The following SDK1 variants were observed in gnomAD, a reference collection of about 807,000 sequenced individuals.
SDK1 encodes the protein sidekick cell adhesion molecule 1.
A neutral mutation model predicts 245.5 loss-of-function variants in SDK1; 157 were observed. That is an observed-to-expected ratio of 0.64 (90% confidence interval 0.56 to 0.73). SDK1 has a LOEUF of 0.73. SDK1 is among the 30% of genes least tolerant of loss of function. The probability of loss-of-function intolerance (pLI) is 0.00; values close to 1 mark genes in which losing one functional copy is unlikely to be tolerated. For synonymous variants in SDK1, 1,647 were observed against 1,278.5 expected, an observed-to-expected ratio of 1.29 and a Z score of -6.15; for missense variants, 3,583 against 3,002.3, an observed-to-expected ratio of 1.19 and a Z score of -4.52.
intron 1 of SDK1, among the ~76,000 whole-genome samples, chr7:3,573,642 A>G (rs566367972): frequency 1.4e-4 from 21 of 152,046 alleles, no homozygotes; most frequent in Middle Eastern, 3.4e-3. Flanking sequence ...ACAATAATCA[A>G]ATGATCTTCT....
chr7:4,107,163 G>C (rs1050548290), intron 22 of SDK1, among the ~76,000 whole-genome samples: 1 of 149,260 alleles, frequency 6.7e-6, no homozygotes, highest in African/African-American at 2.5e-5. Context: ...GGGGAGGGTG[G>C]GGCTGCAGGG....
At chr7:3,943,289 C>T (rs1780437775) in intron 5 of SDK1, among the ~76,000 whole-genome samples, 1 of 152,046 alleles carries the variant, frequency 6.6e-6, no homozygotes, top group African/African-American at 2.4e-5. Flanking sequence ...GATGTTCCCT[C>T]TGAGCTGTGG....
intron 4 of SDK1, among the ~76,000 whole-genome samples, chr7:3,702,515 C>T (rs1044746900): frequency 6.6e-6 from 1 of 152,182 alleles, no homozygotes; most frequent in Non-Finnish European, 1.5e-5. Flanking sequence ...GGATAGCATT[C>T]ACCACTCTCA....
At chr7:3,386,356 G>A (rs1169420232) in intron 1 of SDK1, among the ~76,000 whole-genome samples, 2 of 152,270 alleles carry the variant, frequency 1.3e-5, no homozygotes, top group East Asian at 1.9e-4. Context: ...GTAAAACAAA[G>A]ATGTTGCCTT....
At chr7:3,916,801 G>A (rs1183432921) in intron 5 of SDK1, among the ~76,000 whole-genome samples, 2 of 152,178 alleles carry the variant, frequency 1.3e-5, no homozygotes, top group Admixed American at 6.5e-5. Flanking sequence ...TGATAGAAGA[G>A]GGAAAATTGT....
At chr7:3,512,995 C>T (rs1002051164) in intron 1 of SDK1, among the ~76,000 whole-genome samples, 8 of 152,032 alleles carry the variant, frequency 5.3e-5, no homozygotes, top group African/African-American at 1.9e-4. Flanking sequence ...TGAAAACCTC[C>T]CCTGTGTTTT....
chr7:3,845,224 G>A (rs960150200), intron 5 of SDK1, among the ~76,000 whole-genome samples: 5 of 152,020 alleles, frequency 3.3e-5, no homozygotes, highest in African/African-American at 1.2e-4. Context: ...GGCCAGGTGC[G>A]GTGGCTCACA....
At position 3,503,642 on chromosome 7, in the gene SDK1, A is replaced by T. The variant is rs184055690; in HGVS notation, c.299-115438A>T. On this transcript the variant is annotated intron_variant, in intron 1 of 44. Coordinates refer to ENST00000404826, the MANE Select transcript of SDK1 (RefSeq NM_152744.4). ...CAGTACGCTATGACCATGCCACTGC[A>T]CTCCAGCCTGGGTGATAGAGCCAGA... Among the ~76,000 whole-genome samples, 11 of 152,252 alleles carry T rather than the reference A, an allele frequency of 7.2e-5. No individual in the cohort carries two copies. In the East Asian group the frequency reaches 2.1e-3, roughly 29 times the overall value.
chr7:3,302,070 C>G (rs569861635), intron 1 of SDK1, among the ~76,000 whole-genome samples, 186 bp downstream of exon 1: 1 of 152,024 alleles, frequency 6.6e-6, no homozygotes, highest in African/African-American at 2.4e-5. Flanking sequence ...AACGGAGCCC[C>G]GTAGAGCCTG....
At chr7:3,760,981 A>T (rs551790968) in intron 4 of SDK1, among the ~76,000 whole-genome samples, 10 of 152,312 alleles carry the variant, frequency 6.6e-5, no homozygotes, top group African/African-American at 2.4e-4. Context: ...TGGGATGGTT[A>T]TGAATTAAGC....
chr7:3,817,989 G>C (rs918515040), intron 4 of SDK1, among the ~76,000 whole-genome samples: 5 of 152,138 alleles, frequency 3.3e-5, no homozygotes, highest in Admixed American at 3.3e-4. Context: ...CTTATAATTC[G>C]TACCTCAGGA....
intron 44 of SDK1, among the ~76,000 whole-genome samples, chr7:4,260,588 G>C (rs1241626614): frequency 2.9e-5 from 4 of 138,532 alleles, no homozygotes; most frequent in East Asian, 2.2e-4. Context: ...CGGGGCCTCT[G>C]TGTGTGTGGG....
At chr7:4,210,549 G>A (rs568518903) in intron 38 of SDK1, among the ~76,000 whole-genome samples, 11 of 152,246 alleles carry the variant, frequency 7.2e-5, no homozygotes, top group Non-Finnish European at 1.5e-4. Flanking sequence ...TTGAAGCCAC[G>A]CCTCACAACA....
intron 5 of SDK1, among the ~76,000 whole-genome samples, chr7:3,900,781 G>A (rs202040567): frequency 3.3e-5 from 5 of 151,350 alleles, no homozygotes; most frequent in African/African-American, 1.2e-4. Flanking sequence ...TCACACACTC[G>A]TTTTAGACTG....
At chr7:4,010,644 G>C (rs6942556) in intron 14 of SDK1, among the ~76,000 whole-genome samples, 1 of 152,032 alleles carries the variant, frequency 6.6e-6, no homozygotes, top group Non-Finnish European at 1.5e-5. Flanking sequence ...GTGAGCCGAC[G>C]GAGAACTTTC....
At chr7:3,514,047 G>A (rs892208008) in intron 1 of SDK1, among the ~76,000 whole-genome samples, 3 of 152,134 alleles carry the variant, frequency 2.0e-5, no homozygotes, top group Non-Finnish European at 2.9e-5. Flanking sequence ...TAGGCACCTA[G>A]GTTGATTCCA....
chr7:3,405,258 T>A (rs752320829), intron 1 of SDK1, among the ~76,000 whole-genome samples: 5 of 152,038 alleles, frequency 3.3e-5, no homozygotes, highest in Non-Finnish European at 7.4e-5. Context: ...GTATGAGTAC[T>A]CTGGTATTAT....
Position 4,187,238 on chromosome 7 carries a change from T to G in SDK1, c.5098+8652T>G, listed in dbSNP as rs610647. On this transcript the variant is annotated intron_variant, in intron 35 of 44. Transcript: ENST00000404826. The stretch of plus-strand genomic sequence containing the variant: ...CCCATGTGGGGGTAAACCTCCATAG[T>G]TAACCCACGGCATTATTACCATTAT... 5.4e-3 allele frequency among the ~76,000 whole-genome samples: 822 copies of G among 152,080 alleles called. 10 individuals carry two copies. The highest frequency in any genetic ancestry group is 0.019 in the African/African-American group (790 of 41,472).
intron 4 of SDK1, among the ~76,000 whole-genome samples, chr7:3,792,197 G>T (rs1052688029): frequency 2.0e-5 from 3 of 152,062 alleles, no homozygotes; most frequent in African/African-American, 7.2e-5. Context: ...ATAACTGCCT[G>T]GCTCCAGACC....
Sources: gnomAD v4.1 joint callset for allele counts (sites outside exome capture counted in the v4.1 genomes callset) on GRCh38, gnomAD v4.1.1 for gene constraint, MANE v1.5 for transcripts, NCBI Gene and HGNC (gene_info 2026-07-23, HGNC 2026-07-21) for gene names.